BAZ1B: variants seen among roughly 807,000 people sequenced by gnomAD.
The protein encoded by BAZ1B is bromodomain adjacent to zinc finger domain 1B, also known as tyrosine-protein kinase BAZ1B.
BAZ1B carries 22 observed loss-of-function variants against 153.8 expected under a neutral mutation model. That is an observed-to-expected ratio of 0.14 (90% CI 0.10 to 0.20). The LOEUF (loss-of-function observed/expected upper bound fraction) is 0.20. Among genes scored for constraint, BAZ1B ranks in the 10% least tolerant of loss-of-function variants. The probability of loss-of-function intolerance (pLI) is 1.00; values close to 1 mark genes in which losing one functional copy is unlikely to be tolerated. For synonymous variants in BAZ1B, 676 were observed against 633.4 expected, an observed-to-expected ratio of 1.07 and a Z score of -1.01; for missense variants, 1,325 against 1,799.3, an observed-to-expected ratio of 0.74 and a Z score of 4.77.
At chr7:73,519,579 A>T (rs1790946749) in intron 1 of BAZ1B, among the ~76,000 whole-genome samples, 2 of 152,220 alleles carry the variant, frequency 1.3e-5, no homozygotes, top group South Asian at 4.1e-4. Context: ...ATACCACTTA[A>T]AATGTTTCCG....
chr7:73,446,311 A>G (rs1787833213), intron 16 of BAZ1B, among the ~76,000 whole-genome samples: 2 of 152,124 alleles, frequency 1.3e-5, no homozygotes, highest in African/African-American at 4.8e-5. Flanking sequence ...TTGGCCGGGC[A>G]TAGTGGCTTA....
At chr7:73,503,783 A>G (rs1790228824) in intron 3 of BAZ1B, among the ~76,000 whole-genome samples, 1 of 152,144 alleles carries the variant, frequency 6.6e-6, no homozygotes, top group African/African-American at 2.4e-5. Flanking sequence ...CTATGCTTAA[A>G]TAGGCTGACC....
chr7:73,507,744 G>A (rs1248409577), intron 3 of BAZ1B, among the ~76,000 whole-genome samples: 2 of 152,210 alleles, frequency 1.3e-5, no homozygotes, highest in South Asian at 2.1e-4. Flanking sequence ...CATGCCTGCA[G>A]TCCCAGCTAC....
At chr7:73,459,005 T>G (rs775173504) in intron 13 of BAZ1B, among the ~76,000 whole-genome samples, 1 of 151,994 alleles carries the variant, frequency 6.6e-6, no homozygotes, top group Admixed American at 6.6e-5. Flanking sequence ...TCCCAGCACA[T>G]TGGGAGGCCG....
chr7:73,452,798 C>A (rs1002499631), intron 13 of BAZ1B, among the ~76,000 whole-genome samples: 2 of 150,864 alleles, frequency 1.3e-5, no homozygotes, highest in Non-Finnish European at 2.9e-5. Flanking sequence ...CCAGATAAAA[C>A]CATCATAAAT....
At chr7:73,444,244 G>A in intron 16 of BAZ1B, 115 bp from the exon 17 acceptor site, 1 of 1,248,128 alleles carries the variant, frequency 8.0e-7, no homozygotes, top group Non-Finnish European at 1.1e-6. Context: ...GGAAAGCAGT[G>A]GCCTCCTTTG....
chr7:73,509,297 G>C (rs1369713787), intron 2 of BAZ1B, among the ~76,000 whole-genome samples: 1 of 152,164 alleles, frequency 6.6e-6, no homozygotes, highest in African/African-American at 2.4e-5. Context: ...ACTCCAGCCT[G>C]GGCAACAGAG....
At chr7:73,521,182 C>T (rs1243130891) in intron 1 of BAZ1B, among the ~76,000 whole-genome samples, 1 of 152,142 alleles carries the variant, frequency 6.6e-6, no homozygotes, top group African/African-American at 2.4e-5. Flanking sequence ...CCAGGGAAGG[C>T]AGGCATCAGC....
chr7:73,498,253 C>T (rs1789994755), intron 4 of BAZ1B, among the ~76,000 whole-genome samples: 1 of 152,164 alleles, frequency 6.6e-6, no homozygotes, highest in Admixed American at 6.5e-5. Flanking sequence ...AGCCACGGCA[C>T]CCAGCCCTGC....
At chr7:73,484,417 T>C (rs961060194) in intron 6 of BAZ1B, among the ~76,000 whole-genome samples, 1 of 151,936 alleles carries the variant, frequency 6.6e-6, no homozygotes, top group Admixed American at 6.6e-5. Context: ...CGGGGAAGGA[T>C]TGCTTGAGCC....
rs1215293944 is a variant in BAZ1B, at chr7:73,450,490, T to C, written c.3580+357A>G. 6.6e-6 allele frequency among the ~76,000 whole-genome samples: 1 copy of C among 152,232 alleles called. No homozygotes were observed. The highest frequency in any genetic ancestry group is 1.9e-4 in the East Asian group (1 of 5,202). The stretch of plus-strand genomic sequence containing the variant: ...CCTCTGTACCCGGACTGCCTCCTGC[T>C]GAAAGCACATATCTTACTTCACAGA... On this transcript the variant is annotated intron_variant, in intron 14 of 19. Coordinates refer to ENST00000339594, the MANE Select transcript of BAZ1B (RefSeq NM_032408.4). The surrounding 1 kb of genome is among the most constrained non-coding windows in gnomAD (Gnocchi z 4.1).
intron 5 of BAZ1B, among the ~76,000 whole-genome samples, chr7:73,491,380 A>C (rs576014472): frequency 6.6e-6 from 1 of 152,220 alleles, no homozygotes; most frequent in Non-Finnish European, 1.5e-5. Flanking sequence ...GTGGTAGACC[A>C]CCTGAGGTCA....
At chr7:73,507,602 G>A (rs1295802664) in intron 3 of BAZ1B, among the ~76,000 whole-genome samples, 1 of 152,042 alleles carries the variant, frequency 6.6e-6, no homozygotes, top group African/African-American at 2.4e-5. Context: ...CAAAATAACA[G>A]AATTATCAAA....
At chr7:73,515,531 CTT>C (rs869065388) in intron 1 of BAZ1B, among the ~76,000 whole-genome samples, 155 of 111,374 alleles carry the variant, frequency 1.4e-3, no homozygotes, top group African/African-American at 4.8e-3. Flanking sequence ...AGCCTTGTTC[CTT>C]TTTTTTTTTT....
At chr7:73,505,869 G>A (rs1374925437) in intron 3 of BAZ1B, among the ~76,000 whole-genome samples, 1 of 152,138 alleles carries the variant, frequency 6.6e-6, no homozygotes, top group African/African-American at 2.4e-5. Context: ...ATTTTCAGTA[G>A]CTTAAGTATC....
chr7:73,467,741 G>A (rs1207587306), intron 9 of BAZ1B, among the ~76,000 whole-genome samples: 1 of 152,118 alleles, frequency 6.6e-6, no homozygotes, highest in East Asian at 1.9e-4. Flanking sequence ...CCACCAGGAT[G>A]CTCTAGAAGT....
At chr7:73,502,303 C>A (rs1790165392) in intron 3 of BAZ1B, among the ~76,000 whole-genome samples, 2 of 152,080 alleles carry the variant, frequency 1.3e-5, no homozygotes, top group African/African-American at 4.8e-5. Flanking sequence ...CTGGGATAAA[C>A]CCCTCTATAT....
chr7:73,447,248 C>A lies in BAZ1B; in HGVS notation c.3844+16G>T. Reference sequence around the variant, plus strand: ...AAGACTGTGAAATCAACTACAAAGGCAGACAAAATACTTACATCGCAAACC... The same window carrying A: ...AAGACTGTGAAATCAACTACAAAGGAAGACAAAATACTTACATCGCAAACC... On this transcript the variant is annotated intron_variant, in intron 16 of 19. Transcript: ENST00000339594. The A allele has an allele frequency of 6.2e-7, 1 of 1,613,348 alleles. No homozygotes were observed. The highest frequency in any genetic ancestry group is 1.1e-5 in the South Asian group (1 of 91,058).
chr7:73,449,459 AT>A lies in BAZ1B; in HGVS notation c.3728+82del, dbSNP rs1476052466. On this transcript the variant is annotated intron_variant, in intron 15 of 19. Transcript: ENST00000339594. ...GATGAACTTAAAGCTCCTTAGATTC[AT>A]TCTGTTTGAATAACTCAAGCTTAAT... is the stretch of plus-strand genomic sequence containing the variant. 50 of 1,455,816 alleles carry A rather than the reference AT, an allele frequency of 3.4e-5. No homozygotes were observed. In the East Asian group the frequency reaches 9.9e-4, roughly 29 times the overall value. The allele number at this position is 1,455,816 out of a possible 1,614,324, so 90.2% of individuals were successfully genotyped here. A position where few individuals can be genotyped will look rare whatever the true frequency, so the allele number is the denominator to read the frequency against.
Sources: allele counts gnomAD v4.1 joint callset (sites outside exome capture counted in the v4.1 genomes callset), GRCh38; gene constraint gnomAD v4.1.1; non-coding constraint Gnocchi (gnomAD v3.1); transcripts MANE v1.5; gene names NCBI Gene and HGNC (gene_info 2026-07-23, HGNC 2026-07-21).